RABGAP1L: variants seen among roughly 807,000 people sequenced by gnomAD.
RABGAP1L encodes the protein rab GTPase-activating protein 1-like.
In RABGAP1L, 63 loss-of-function variants were observed where a neutral mutation model predicts 137.7. The ratio of observed to expected loss-of-function variants is 0.46; its 90% CI spans 0.37 to 0.56. RABGAP1L has a LOEUF of 0.56. Ranked by LOEUF, RABGAP1L falls within the 20% of genes least tolerant of loss-of-function variation. RABGAP1L has a pLI of 0.00. For missense variants in RABGAP1L, 1,095 were observed against 1,244.0 expected (o/e 0.88, Z 1.80); for synonymous variants, 431 against 433.7 (o/e 0.99, Z 0.08).
At chr1:174,291,234 CCT>C (rs1491307497) in intron 10 of RABGAP1L, among the ~76,000 whole-genome samples, 3 of 151,470 alleles carry the variant, frequency 2.0e-5, no homozygotes, top group Non-Finnish European at 4.4e-5. Context: ...GGTTTTTCCC[CCT>C]TTTTTTCTTA....
chr1:174,677,493 G>T (rs1490160256), intron 14 of RABGAP1L, among the ~76,000 whole-genome samples: 1 of 152,200 alleles, frequency 6.6e-6, no homozygotes, highest in African/African-American at 2.4e-5. Context: ...AAAGGAAGCT[G>T]GGGTAGACCT....
intron 19 of RABGAP1L, among the ~76,000 whole-genome samples, chr1:174,865,767 C>T (rs574838228): frequency 1.3e-5 from 2 of 152,132 alleles, no homozygotes; most frequent in East Asian, 3.9e-4. Context: ...GAACCTGTAA[C>T]TTTTTAAAAA....
intron 13 of RABGAP1L, among the ~76,000 whole-genome samples, chr1:174,619,704 A>G (rs1284367652): frequency 1.3e-5 from 2 of 152,240 alleles, no homozygotes; most frequent in African/African-American, 2.4e-5. Flanking sequence ...TGTAAAGACC[A>G]TCGAGGCTAG....
intron 13 of RABGAP1L, among the ~76,000 whole-genome samples, chr1:174,521,360 C>T (rs552799525): frequency 6.6e-6 from 1 of 152,170 alleles, no homozygotes; most frequent in East Asian, 1.9e-4. Flanking sequence ...TTCATTTTTT[C>T]AATGGCTTAT....
At chr1:174,506,833 TA>T (rs974267030) in intron 13 of RABGAP1L, among the ~76,000 whole-genome samples, 3 of 151,740 alleles carry the variant, frequency 2.0e-5, no homozygotes, top group Non-Finnish European at 4.4e-5. Flanking sequence ...ATAATAGTAA[TA>T]AAAAAAACTC....
chr1:174,783,707 C>CTTTTTTTTTTT (rs34367315), intron 18 of RABGAP1L, among the ~76,000 whole-genome samples: 24 of 102,466 alleles, frequency 2.3e-4, no homozygotes, highest in Non-Finnish European at 4.0e-4. Flanking sequence ...TCTTCTTCTT[C>CTTTTTTTTTTT]TTTTTTTTTT....
chr1:174,578,471 G>C (rs1338241586), intron 13 of RABGAP1L, among the ~76,000 whole-genome samples: 1 of 152,140 alleles, frequency 6.6e-6, no homozygotes, highest in Admixed American at 6.5e-5. Flanking sequence ...ACCAAGCCTA[G>C]GCAGAAGTTG....
intron 17 of RABGAP1L, among the ~76,000 whole-genome samples, chr1:174,747,182 C>T (rs1683938058): frequency 6.6e-6 from 1 of 151,976 alleles, no homozygotes. Flanking sequence ...GCAGAAGGAT[C>T]ACTTGAGCCC....
In RABGAP1L at chr1:174,276,510, T is replaced by A. The variant is rs138152441; in HGVS notation, c.1156+575T>A. Among the ~76,000 whole-genome samples, 177 of 152,204 alleles carry A rather than the reference T, an allele frequency of 1.2e-3. 1 individual carries two copies. The highest frequency in any genetic ancestry group is 4.2e-3 in the African/African-American group (173 of 41,508). On this transcript the variant is annotated intron_variant, in intron 9 of 25. Coordinates refer to ENST00000681986, the MANE Select transcript of RABGAP1L (RefSeq NM_001366446.1). ...TTGTTTTTCATATACCACTATAGAGTTATTTCATTTGTGGAGACTAGTGAT... is the reference window on the plus strand; with the variant it reads ...TTGTTTTTCATATACCACTATAGAGATATTTCATTTGTGGAGACTAGTGAT...
chr1:174,303,615 A>T (rs879745017), intron 10 of RABGAP1L, among the ~76,000 whole-genome samples: 1 of 152,134 alleles, frequency 6.6e-6, no homozygotes, highest in Non-Finnish European at 1.5e-5. Flanking sequence ...ATACAGATTG[A>T]TTTTTTAGTT....
At chr1:174,277,381 C>G (rs940168321) in intron 9 of RABGAP1L, among the ~76,000 whole-genome samples, 3 of 151,762 alleles carry the variant, frequency 2.0e-5, no homozygotes, top group Non-Finnish European at 4.4e-5. Context: ...TTTTGAAGAA[C>G]AAAATATAAG....
At chr1:174,487,788 T>C (rs1659813374) in intron 13 of RABGAP1L, among the ~76,000 whole-genome samples, 1 of 152,144 alleles carries the variant, frequency 6.6e-6, no homozygotes, top group Admixed American at 6.5e-5. Context: ...GTGTATCTGT[T>C]GTATGTTTTC....
At chr1:174,637,274 G>T in intron 13 of RABGAP1L, 101 bp from the exon 14 acceptor site, 1 of 779,070 alleles carries the variant, frequency 1.3e-6, no homozygotes, top group Non-Finnish European at 2.1e-6. Flanking sequence ...TTTTTCTGTT[G>T]TTTACTTTTC....
At chr1:174,784,169 G>A (rs990289868) in intron 18 of RABGAP1L, among the ~76,000 whole-genome samples, 4 of 151,272 alleles carry the variant, frequency 2.6e-5, no homozygotes, top group Non-Finnish European at 5.9e-5. Context: ...ACAGGCACCC[G>A]CCATCACGCC....
At chr1:174,329,619 G>T (rs928444565) in intron 11 of RABGAP1L, among the ~76,000 whole-genome samples, 31 of 152,088 alleles carry the variant, frequency 2.0e-4, no homozygotes, top group African/African-American at 7.2e-4. Flanking sequence ...CATTAAAAAG[G>T]TAATTCACCA....
intron 11 of RABGAP1L, chr1:174,365,368 C>G (rs1411323829): frequency 1.3e-5 from 2 of 152,176 alleles, no homozygotes; most frequent in Non-Finnish European, 2.9e-5. Flanking sequence ...CACCCTATTT[C>G]ACTAGCTCTA....
chr1:174,341,322 C>T (rs907462699), intron 11 of RABGAP1L, among the ~76,000 whole-genome samples: 2 of 152,098 alleles, frequency 1.3e-5, no homozygotes, highest in African/African-American at 2.4e-5. Context: ...TGCCATGCTT[C>T]GTGTTACAAA....
chr1:174,641,794 A>G (rs1459948054), intron 14 of RABGAP1L, among the ~76,000 whole-genome samples: 4 of 152,132 alleles, frequency 2.6e-5, no homozygotes, highest in African/African-American at 7.2e-5. Context: ...TCCGGTTCCA[A>G]TGTTCTGTGA....
chr1:174,351,996 G>T (rs1032628675), intron 11 of RABGAP1L, among the ~76,000 whole-genome samples: 1 of 152,032 alleles, frequency 6.6e-6, no homozygotes, highest in Non-Finnish European at 1.5e-5. Flanking sequence ...TTTTAGTAGA[G>T]ACAGGGTTTC....
Sources: gnomAD v4.1 joint callset for allele counts (sites outside exome capture counted in the v4.1 genomes callset) on GRCh38, gnomAD v4.1.1 for gene constraint, MANE v1.5 for transcripts, NCBI Gene and HGNC (gene_info 2026-07-23, HGNC 2026-07-21) for gene names.